ABTB2: variants seen among roughly 807,000 people sequenced by gnomAD.
ABTB2 encodes the protein ankyrin repeat and BTB/POZ domain-containing protein 2.
ABTB2 carries 56 observed loss-of-function variants against 104.1 expected under a neutral mutation model. The ratio of observed to expected loss-of-function variants is 0.54; its 90% confidence interval spans 0.43 to 0.67. The LOEUF (loss-of-function observed/expected upper bound fraction) is 0.67. ABTB2 is among the 30% of genes least tolerant of loss of function. The pLI is 0.00. For synonymous variants in ABTB2, 606 were observed against 608.2 expected (o/e 1.00, Z 0.05); for missense variants, 1,279 against 1,407.7 (o/e 0.91, Z 1.46).
At chr11:34,335,447 C>A in intron 1 of ABTB2, 1 of 782,464 alleles carries the variant, frequency 1.3e-6, no homozygotes, top group South Asian at 1.5e-5. Context: ...TCTAAACAGT[C>A]ATATTATTCT....
Position 34,356,635 on chromosome 11 carries a change from C to A in ABTB2, c.883+66G>T. On this transcript the variant is annotated intron_variant, in intron 1 of 16. Coordinates refer to ENST00000435224, the MANE Select transcript of ABTB2 (RefSeq NM_145804.3). The surrounding 1 kb of genome is among the most constrained non-coding windows in gnomAD (Gnocchi z 4.6). ...CCAGCTTTGTCTCAGGAAATTCACT[C>A]CCCCAGTAGCCCAGGGCGGGATTTC... 3 of 1,462,378 alleles carry A rather than the reference C, an allele frequency of 2.1e-6. No homozygotes were observed. Among genetic ancestry groups the A allele is most frequent in the Non-Finnish European group, 1.8e-6 (2 of 1,100,182 alleles). 90.6% of individuals were successfully genotyped at this position (1,462,378 alleles called of 1,614,324 possible).
intron 1 of ABTB2, among the ~76,000 whole-genome samples, chr11:34,315,919 C>T (rs1244525475): frequency 6.6e-6 from 1 of 152,208 alleles, no homozygotes; most frequent in Non-Finnish European, 1.5e-5. Context: ...CTTAGCATAA[C>T]TTCTTCAAGG....
intron 1 of ABTB2, among the ~76,000 whole-genome samples, chr11:34,228,457 T>C (rs186224462): frequency 2.6e-5 from 4 of 152,060 alleles, no homozygotes; most frequent in Non-Finnish European, 4.4e-5. Context: ...TGATCTTGGC[T>C]CACTGCAACC....
At chr11:34,344,883 A>G (rs1430913548) in intron 1 of ABTB2, among the ~76,000 whole-genome samples, 4 of 152,094 alleles carry the variant, frequency 2.6e-5, no homozygotes, top group African/African-American at 9.7e-5. Flanking sequence ...TCTTCCATAC[A>G]CAGCTTTCCC....
Position 34,197,556 on chromosome 11 carries a change from G to A in ABTB2, c.1031-18C>T. 2 of 1,503,256 alleles carry A rather than the reference G, an allele frequency of 1.3e-6. No individual in the cohort carries two copies. Among genetic ancestry groups the A allele is most frequent in the Non-Finnish European group, 1.8e-6 (2 of 1,113,372 alleles). 93.1% of individuals were successfully genotyped at this position (1,503,256 alleles called of 1,614,324 possible). A position where few individuals can be genotyped will look rare whatever the true frequency, so the allele number is the denominator to read the frequency against. On this transcript the variant is annotated intron_variant, in intron 2 of 16. Transcript: ENST00000435224. ...CAAGTCACCTGGTGGGGGGCGGGGAGGGCAGAGGGGAGGAAGAGAAAAAAA... is the reference window on the plus strand; with the variant it reads ...CAAGTCACCTGGTGGGGGGCGGGGAAGGCAGAGGGGAGGAAGAGAAAAAAA...
At chr11:34,262,858 C>G (rs964123151) in intron 1 of ABTB2, among the ~76,000 whole-genome samples, 1 of 152,130 alleles carries the variant, frequency 6.6e-6, no homozygotes, top group African/African-American at 2.4e-5. Flanking sequence ...AGGTCAGTAC[C>G]CAGCACTGCG....
rs1852710919 is a variant in ABTB2, at chr11:34,160,952, A to C, written c.2348T>G (p.Leu783Arg). 6.2e-7 allele frequency: 1 copy of C among 1,613,170 alleles called. No individual in the cohort carries two copies. Among genetic ancestry groups the C allele is most frequent in the Non-Finnish European group, 8.5e-7 (1 of 1,179,584 alleles). Residue 783 changes from leucine to arginine, a missense_variant, in exon 11 of 17, where the codon CTG becomes CGG. Leu to Arg is a moderately radical substitution (Grantham distance 102, BLOSUM62 -2). Coordinates refer to ENST00000435224, the MANE Select transcript of ABTB2 (RefSeq NM_145804.3). The part of the protein sequence containing the change: ...SIREEEYNEE[L>R]VTEGLQLMFD... ...CATGAGCTGCAAGCCCTCGGTCACC[A>C]GCTCCTCGTTGTACTCCTCCTCTCT...
At chr11:34,258,140 T>C (rs1294859435) in intron 1 of ABTB2, among the ~76,000 whole-genome samples, 1 of 152,156 alleles carries the variant, frequency 6.6e-6, no homozygotes, top group South Asian at 2.1e-4. Flanking sequence ...GTTGTCCCCA[T>C]AGAAATCTCA....
rs150199433 is a variant in ABTB2, at chr11:34,162,703, C to T, written c.2091G>A (p.Ser697=). The T allele has an allele frequency of 6.1e-5, 99 of 1,612,748 alleles. 1 individual carries two copies. Among genetic ancestry groups the T allele is most frequent in the East Asian group, 1.1e-4 (5 of 44,884 alleles). The change falls in exon 10 of 17, where the codon TCG becomes TCA. Residue 697 remains serine, a synonymous_variant. Transcript: ENST00000435224. ...GCCCCTCGCTGCCACTGCCCTGGCTCGACGCATCACTTTCCTCCACACCCT... is the reference window on the plus strand; with the variant it reads ...GCCCCTCGCTGCCACTGCCCTGGCTTGACGCATCACTTTCCTCCACACCCT... The part of the protein sequence containing the change: ...LAEGVEESDA[S]SQGSGSEGPV...
chr11:34,288,220 A>G (rs531835576), intron 1 of ABTB2, among the ~76,000 whole-genome samples: 1 of 152,364 alleles, frequency 6.6e-6, no homozygotes, highest in African/African-American at 2.4e-5. Flanking sequence ...GCTTTTTTAC[A>G]GTGAACACCT....
intron 1 of ABTB2, among the ~76,000 whole-genome samples, chr11:34,307,973 G>A (rs961628541): frequency 1.3e-5 from 2 of 152,242 alleles, no homozygotes; most frequent in Non-Finnish European, 1.5e-5. Flanking sequence ...TGGGATTACA[G>A]GCGTGAGCCA....
intron 2 of ABTB2, among the ~76,000 whole-genome samples, chr11:34,202,347 G>C (rs1022729785): frequency 6.6e-6 from 1 of 152,202 alleles, no homozygotes; most frequent in Non-Finnish European, 1.5e-5. Context: ...TCTGGAGTGG[G>C]AGGGTCCTTA....
chr11:34,320,619 A>G (rs1425160139), intron 1 of ABTB2, among the ~76,000 whole-genome samples: 2 of 152,170 alleles, frequency 1.3e-5, no homozygotes, highest in East Asian at 3.8e-4. Flanking sequence ...CTGCCTCTTG[A>G]ATTCTCTCAC....
rs191208700 is a variant in ABTB2 at position 34,282,587 on chromosome 11, C to T, written c.883+74114G>A. ...TGTTGCCCAGGCTGGAGTGCAGTGG[C>T]GCAATCTTGGCTCACTGCACCCTCC... On this transcript the variant is annotated intron_variant, in intron 1 of 16. Transcript: ENST00000435224. Among the ~76,000 whole-genome samples, 570 of 151,856 alleles carry T rather than the reference C, an allele frequency of 3.8e-3. 4 individuals carry two copies. Among genetic ancestry groups the T allele is most frequent in the Admixed American group, 4.4e-3 (67 of 15,250 alleles).
intron 1 of ABTB2, among the ~76,000 whole-genome samples, chr11:34,224,578 A>G (rs1212250635): frequency 6.6e-6 from 1 of 152,208 alleles, no homozygotes; most frequent in African/African-American, 2.4e-5. Flanking sequence ...GTTAAAAGGC[A>G]CCAGCTCATG....
intron 3 of ABTB2, among the ~76,000 whole-genome samples, chr11:34,192,981 G>A (rs1488443738): frequency 1.3e-5 from 2 of 152,162 alleles, no homozygotes; most frequent in African/African-American, 2.4e-5. Flanking sequence ...TATCCTTACT[G>A]CCCCAGACCT....
chr11:34,297,780 A>AAAT (rs1854640567), intron 1 of ABTB2, among the ~76,000 whole-genome samples: 1 of 97,442 alleles, frequency 1.0e-5, no homozygotes, highest in African/African-American at 5.5e-5. Flanking sequence ...AAAAAAAAAA[A>AAAT]AAAATAAAAA....
chr11:34,167,848 C>T lies in ABTB2; in HGVS notation c.1653+55G>A, dbSNP rs868400280. The T allele has an allele frequency of 6.7e-5, 105 of 1,573,172 alleles. 1 individual carries two copies. Among genetic ancestry groups the T allele is most frequent in the Middle Eastern group, 3.4e-4 (2 of 5,956 alleles). ...CGCCCAGCGTGTTTGTTGGAGCCCT[C>T]GGAGTGATCCCTGCTGGCCTAGGGC... On this transcript the variant is annotated intron_variant, in intron 6 of 16. Transcript: ENST00000435224.
rs2467389 is a variant in ABTB2 at position 34,167,165 on chromosome 11, G to T, written c.1755+94C>A. Reference sequence around the variant, plus strand: ...AGTGCCTTTGGGATCTCTGATTCAGGGCACCTGCCCACTCAGCTGAGGCTG... The same window carrying T: ...AGTGCCTTTGGGATCTCTGATTCAGTGCACCTGCCCACTCAGCTGAGGCTG... On this transcript the variant is annotated intron_variant, in intron 7 of 16. Transcript: ENST00000435224. The T allele has an allele frequency of 5.0e-6, 6 of 1,189,858 alleles. No individual in the cohort carries two copies. In the Admixed American group the frequency reaches 8.4e-5, roughly 17 times the overall value. 73.7% of individuals were successfully genotyped at this position (1,189,858 alleles called of 1,614,324 possible). A position where few individuals can be genotyped will look rare whatever the true frequency, so the allele number is the denominator to read the frequency against.
Sources: allele counts gnomAD v4.1 joint callset (sites outside exome capture counted in the v4.1 genomes callset), GRCh38; gene constraint gnomAD v4.1.1; non-coding constraint Gnocchi (gnomAD v3.1); transcripts MANE v1.5; gene names NCBI Gene and HGNC (gene_info 2026-07-23, HGNC 2026-07-21).